SH3RF3: variants seen among roughly 807,000 people sequenced by gnomAD.
SH3RF3 encodes SH3 domain containing ring finger 3.
Under a neutral mutation model 66.3 loss-of-function variants are expected in SH3RF3, and 29 were observed. The observed-to-expected ratio is 0.44, with a 90% CI of 0.33 to 0.60. The LOEUF is 0.60. Ranked by LOEUF, SH3RF3 falls within the 20% of genes least tolerant of loss-of-function variation. The pLI, the probability that SH3RF3 is intolerant of heterozygous loss-of-function variation, is 0.04. For synonymous variants in SH3RF3, 583 were observed against 532.0 expected (o/e 1.10, Z -1.32); for missense variants, 1,194 against 1,190.9 (o/e 1.00, Z -0.04).
At chr2:109,299,127 A>G (rs994920576) in intron 1 of SH3RF3, among the ~76,000 whole-genome samples, 1 of 152,128 alleles carries the variant, frequency 6.6e-6, no homozygotes. Context: ...AGGCCCCCTC[A>G]GCTCCTCTCC....
At chr2:109,270,571 G>A (rs374733387) in intron 1 of SH3RF3, among the ~76,000 whole-genome samples, 159 of 152,296 alleles carry the variant, frequency 1.0e-3, no homozygotes, top group African/African-American at 3.5e-3. Flanking sequence ...CAGTGTGGCC[G>A]TTTCAGGTCA....
chr2:109,355,242 A>C (rs752692703), intron 2 of SH3RF3, among the ~76,000 whole-genome samples: 10 of 152,208 alleles, frequency 6.6e-5, no homozygotes, highest in South Asian at 2.1e-4. Context: ...TCTGAAAGAG[A>C]AATTATGTTG....
chr2:109,396,930 C>G (rs754273822), intron 3 of SH3RF3, among the ~76,000 whole-genome samples: 3 of 152,266 alleles, frequency 2.0e-5, no homozygotes, highest in African/African-American at 7.2e-5. Context: ...CTCTCCTCTT[C>G]CTTTCTGAAT....
chr2:109,372,052 G>A (rs1461580578), intron 3 of SH3RF3, among the ~76,000 whole-genome samples: 2 of 152,212 alleles, frequency 1.3e-5, no homozygotes, highest in East Asian at 3.9e-4. Flanking sequence ...CAGAGGGGAA[G>A]AACCCGTCCC....
chr2:109,242,761 C>T (rs1679817596), intron 1 of SH3RF3, among the ~76,000 whole-genome samples: 1 of 152,180 alleles, frequency 6.6e-6, no homozygotes, highest in African/African-American at 2.4e-5. Context: ...CTTCTTTCCC[C>T]AGTGACGTCC....
intron 2 of SH3RF3, among the ~76,000 whole-genome samples, chr2:109,365,179 C>T (rs886269569): frequency 6.6e-6 from 1 of 152,190 alleles, no homozygotes; most frequent in Admixed American, 6.5e-5. Flanking sequence ...TCCTCTTCCC[C>T]TCCCCCTGCC....
At chr2:109,447,164 AAAAAG>A (rs1217806254) in intron 7 of SH3RF3, among the ~76,000 whole-genome samples, 60 of 149,878 alleles carry the variant, frequency 4.0e-4, no homozygotes, top group African/African-American at 1.4e-3. Flanking sequence ...AAAAAAAAAA[AAAAAG>A]AAAAGAAAAA....
At chr2:109,277,387 C>G (rs191533328) in intron 1 of SH3RF3, among the ~76,000 whole-genome samples, 1 of 152,144 alleles carries the variant, frequency 6.6e-6, no homozygotes, top group Admixed American at 6.5e-5. Flanking sequence ...ACCCCGGCCT[C>G]GGTGATGGAA....
At chr2:109,140,505 C>T (rs1036601667) in intron 1 of SH3RF3, among the ~76,000 whole-genome samples, 5 of 152,134 alleles carry the variant, frequency 3.3e-5, no homozygotes, top group South Asian at 4.1e-4. Flanking sequence ...CTCAGCCTCC[C>T]GAGTAGCTGG....
chr2:109,432,817 G>A (rs964859217), intron 6 of SH3RF3, 146 bp downstream of exon 6: 33 of 1,146,034 alleles, frequency 2.9e-5, no homozygotes, highest in African/African-American at 1.6e-4. Flanking sequence ...CCCCACTGGC[G>A]TCCCCAGGCC....
intron 2 of SH3RF3, among the ~76,000 whole-genome samples, chr2:109,358,723 G>T (rs933917856): frequency 5.3e-5 from 8 of 152,154 alleles, no homozygotes; most frequent in East Asian, 1.9e-4. Flanking sequence ...TTTTCTCCCA[G>T]TCTGTAGCGT....
Position 109,432,587 on chromosome 2 carries a change from G to C in SH3RF3, c.1490G>C (p.Cys497Ser). ...KGEMYRVLEK[C>S]QDGWFKGASL... ...GAGATGTACCGGGTCCTCGAGAAGT[G>C]TCAGGATGGCTGGTTCAAGGGGGCG... Residue 497 changes from cysteine to serine, a missense_variant, in exon 6 of 10, where the codon TGT becomes TCT. Transcript: ENST00000309415. 6.2e-7 allele frequency: 1 copy of C among 1,613,634 alleles called. No individual in the cohort carries two copies. Among genetic ancestry groups the C allele is most frequent in the Non-Finnish European group, 8.5e-7 (1 of 1,179,768 alleles).
At chr2:109,429,208 G>A (rs905189785) in intron 5 of SH3RF3, among the ~76,000 whole-genome samples, 1 of 152,174 alleles carries the variant, frequency 6.6e-6, no homozygotes, top group Admixed American at 6.5e-5. Flanking sequence ...GACAGCAGAT[G>A]CAGTTGACCC....
intron 1 of SH3RF3, among the ~76,000 whole-genome samples, chr2:109,150,422 G>A (rs377340415): frequency 4.7e-4 from 71 of 152,178 alleles, no homozygotes; most frequent in African/African-American, 1.3e-3. Context: ...TTATGAGCCT[G>A]GAACTACTCT....
intron 2 of SH3RF3, among the ~76,000 whole-genome samples, chr2:109,357,245 G>A (rs553681146): frequency 1.3e-4 from 19 of 151,670 alleles, no homozygotes; most frequent in African/African-American, 1.7e-4. Context: ...GCAGTGGCAC[G>A]ATCTCGGCTT....
intron 1 of SH3RF3, among the ~76,000 whole-genome samples, chr2:109,146,636 T>C (rs890577405): frequency 6.6e-6 from 1 of 152,176 alleles, no homozygotes; most frequent in African/African-American, 2.4e-5. Context: ...CATGGGTGGC[T>C]GACTGACCAT....
rs567377964 is a variant in SH3RF3 at position 109,469,386 on chromosome 2, A to T, written c.2148+19897A>T. 7.9e-4 allele frequency among the ~76,000 whole-genome samples: 121 copies of T among 152,238 alleles called. 2 individuals are homozygous for T. The highest frequency in any genetic ancestry group is 1.2e-3 in the East Asian group (6 of 5,176). Reference sequence around the variant, plus strand: ...CCCCCGTGCTTTGCTTTGGGGCCAGAACTGCCTGCCTGGTCTGTTGGTTTT... The same window carrying T: ...CCCCCGTGCTTTGCTTTGGGGCCAGTACTGCCTGCCTGGTCTGTTGGTTTT... On this transcript the variant is annotated intron_variant, in intron 8 of 9. Transcript: ENST00000309415.
At chr2:109,381,265 G>C (rs1284692523) in intron 3 of SH3RF3, among the ~76,000 whole-genome samples, 1 of 152,230 alleles carries the variant, frequency 6.6e-6, no homozygotes, top group Non-Finnish European at 1.5e-5. Context: ...GGAAGTAACT[G>C]AGCTCCAATC....
intron 1 of SH3RF3, among the ~76,000 whole-genome samples, chr2:109,269,709 G>A (rs1680582240): frequency 6.6e-6 from 1 of 152,350 alleles, no homozygotes; most frequent in East Asian, 1.9e-4. Flanking sequence ...AACCAAGGAG[G>A]TGGAGGTTGC....
Sources: gnomAD v4.1 joint callset for allele counts (sites outside exome capture counted in the v4.1 genomes callset) on GRCh38, gnomAD v4.1.1 for gene constraint, MANE v1.5 for transcripts, NCBI Gene and HGNC (gene_info 2026-07-23, HGNC 2026-07-21) for gene names.